The following MMP26 variants were observed in gnomAD, a reference collection of about 807,000 sequenced individuals.
MMP26 encodes the protein matrix metalloproteinase-26.
In MMP26, 33 loss-of-function variants were observed where a neutral mutation model predicts 31.0. That is an observed-to-expected ratio of 1.06 (90% CI 0.81 to 1.42). MMP26 has a LOEUF of 1.42. Ranked by LOEUF, MMP26 falls within the 40% of genes most tolerant of loss-of-function variation. The pLI is 0.00. For synonymous variants in MMP26, 122 were observed against 114.9 expected, an observed-to-expected ratio of 1.06 and a Z score of -0.40; for missense variants, 347 against 316.1, an observed-to-expected ratio of 1.10 and a Z score of -0.74.
chr11:4,862,092 T>C (rs187973735), intron 2 of MMP26, among the ~76,000 whole-genome samples: 9 of 152,298 alleles, frequency 5.9e-5, no homozygotes, highest in Admixed American at 5.9e-4. Context: ...TATGTTTTTC[T>C]TCACCCCTAG....
chr11:4,852,155 A>G (rs763683750), intron 2 of MMP26, among the ~76,000 whole-genome samples: 3 of 152,158 alleles, frequency 2.0e-5, no homozygotes, highest in Non-Finnish European at 4.4e-5. Context: ...ATATCATATA[A>G]CAATCATAAA....
chr11:4,925,446 C>T (rs1851256453), intron 2 of MMP26, among the ~76,000 whole-genome samples: 1 of 152,058 alleles, frequency 6.6e-6, no homozygotes, highest in Admixed American at 6.5e-5. Context: ...ACAGAAGACA[C>T]ATGTTTTAGA....
chr11:4,955,756 T>G (rs774099830), intron 2 of MMP26: 3 of 1,547,970 alleles, frequency 1.9e-6, no homozygotes, highest in Non-Finnish European at 1.8e-6. Context: ...CAGATACACC[T>G]GACCTCAGGT....
intron 2 of MMP26, among the ~76,000 whole-genome samples, chr11:4,800,752 A>C (rs1849169377): frequency 6.6e-6 from 1 of 152,108 alleles, no homozygotes. Flanking sequence ...ACTTTAAGTC[A>C]TTTATTTGCT....
At chr11:4,707,291 G>A (rs893282181) in intron 1 of MMP26, among the ~76,000 whole-genome samples, 1 of 152,108 alleles carries the variant, frequency 6.6e-6, no homozygotes. Context: ...GTAATGTTGA[G>A]CATCTTTTTA....
At chr11:4,922,431 T>C (rs1048495028) in intron 2 of MMP26, among the ~76,000 whole-genome samples, 1 of 152,160 alleles carries the variant, frequency 6.6e-6, no homozygotes, top group Non-Finnish European at 1.5e-5. Context: ...TATCTAGATA[T>C]ATGTGATAAT....
At chr11:4,872,792 C>T (rs1850328618) in intron 2 of MMP26, among the ~76,000 whole-genome samples, 1 of 152,012 alleles carries the variant, frequency 6.6e-6, no homozygotes, top group South Asian at 2.1e-4. Flanking sequence ...CCCACATATA[C>T]TTCTGAAGCT....
At chr11:4,950,797 T>A (rs1230102415) in intron 2 of MMP26, among the ~76,000 whole-genome samples, 1 of 123,456 alleles carries the variant, frequency 8.1e-6, no homozygotes. Flanking sequence ...CAATTTGCAT[T>A]TGGAAAAATG....
At chr11:4,879,136 A>T (rs988199104) in intron 2 of MMP26, among the ~76,000 whole-genome samples, 4 of 152,102 alleles carry the variant, frequency 2.6e-5, no homozygotes, top group African/African-American at 9.7e-5. Context: ...GGGGAGGCTG[A>T]GGCAGGAGAA....
intron 1 of MMP26, among the ~76,000 whole-genome samples, chr11:4,732,360 C>T (rs537264807): frequency 6.6e-6 from 1 of 151,924 alleles, no homozygotes; most frequent in African/African-American, 2.4e-5. Flanking sequence ...TTAAAGATTA[C>T]CTTCCTTATG....
At chr11:4,742,578 TA>T (rs1366256148) in intron 1 of MMP26, among the ~76,000 whole-genome samples, 2 of 152,114 alleles carry the variant, frequency 1.3e-5, no homozygotes, top group Non-Finnish European at 2.9e-5. Flanking sequence ...GTGGACTGAG[TA>T]AAGCAGATGG....
At chr11:4,804,207 C>A (rs762166303) in intron 2 of MMP26, 2 of 1,614,050 alleles carry the variant, frequency 1.2e-6, no homozygotes, top group Admixed American at 1.7e-5. Flanking sequence ...TGGGCTCATG[C>A]AGGGTGTGGT....
intron 2 of MMP26, among the ~76,000 whole-genome samples, chr11:4,906,025 A>G (rs903352698): frequency 9.2e-5 from 14 of 152,188 alleles, no homozygotes; most frequent in Non-Finnish European, 1.5e-4. Flanking sequence ...ATACAGAGAT[A>G]TAAGATTAAA....
chr11:4,987,470 G>C (rs1846920426), intron 2 of MMP26, among the ~76,000 whole-genome samples: 2 of 151,780 alleles, frequency 1.3e-5, no homozygotes, highest in Non-Finnish European at 2.9e-5. Context: ...CCAGGCTGGA[G>C]TGCAGTGGCG....
At chr11:4,943,335 CTT>C (rs1366210252) in intron 2 of MMP26, 1 of 341,584 alleles carries the variant, frequency 2.9e-6, no homozygotes, top group Non-Finnish European at 5.8e-6. Context: ...CAAGTGAAGT[CTT>C]TCAGTTTTCT....
In MMP26 at chr11:4,839,137, A is replaced by C. The variant is rs553328622; in HGVS notation, c.-145+71796A>C. ...GCTGATGCTCACCCATGGAGGGAGC[A>C]TTTAAAACAGCCATAATCAGAGGGG... On this transcript the variant is annotated intron_variant, in intron 2 of 7. Transcript: ENST00000380390. Among the ~76,000 whole-genome samples the C allele has an allele frequency of 2.0e-5, 3 of 152,276 alleles. No homozygotes were observed. The South Asian group carries it at 6.2e-4, about 32-fold the overall frequency.
rs1027311593 is a variant in MMP26 at position 4,733,726 on chromosome 11, G to A, written c.-217+28681G>A. Among the ~76,000 whole-genome samples, 6 of 152,198 alleles carry A rather than the reference G, an allele frequency of 3.9e-5. No individual in the cohort carries two copies. The South Asian group carries it at 8.3e-4, about 21-fold the overall frequency. ...CCTCCAGGGCAATGTTGAATAAAAT[G>A]GATGAGAGTGGACATCCTTGTCTTT... On this transcript the variant is annotated intron_variant, in intron 1 of 7. Transcript: ENST00000380390.
At chr11:4,926,010 GA>G (rs1472706802) in intron 2 of MMP26, among the ~76,000 whole-genome samples, 3 of 152,046 alleles carry the variant, frequency 2.0e-5, no homozygotes, top group African/African-American at 7.2e-5. Context: ...GGATTTTTTA[GA>G]AAAGAAAGAT....
At position 4,715,797 on chromosome 11, in the gene MMP26, C is replaced by T. The variant is rs528615247; in HGVS notation, c.-217+10752C>T. On this transcript the variant is annotated intron_variant, in intron 1 of 7. Transcript: ENST00000380390. ...TGGTGTACTTGTCCTGAGCAATACC[C>T]ATGCCTTGGGTGTGTGAGTGGGGCC... 1.3e-5 allele frequency among the ~76,000 whole-genome samples: 2 copies of T among 152,102 alleles called. 1 individual carries two copies. The highest frequency in any genetic ancestry group is 4.1e-4 in the South Asian group (2 of 4,824).
Sources: allele counts gnomAD v4.1 joint callset (sites outside exome capture counted in the v4.1 genomes callset), GRCh38; gene constraint gnomAD v4.1.1; transcripts MANE v1.5; gene names NCBI Gene and HGNC (gene_info 2026-07-23, HGNC 2026-07-21).